Variants in DNAH9 observed in about 807,000 individuals in gnomAD.
DNAH9 encodes DNAH9 variant protein.
A neutral mutation model predicts 471.6 loss-of-function variants in DNAH9; 345 were observed. The ratio of observed to expected loss-of-function variants is 0.73; its 90% CI spans 0.67 to 0.80. The LOEUF (loss-of-function observed/expected upper bound fraction) is 0.80. DNAH9 is among the 30% of genes least tolerant of loss of function. The pLI, the probability that DNAH9 is intolerant of heterozygous loss-of-function variation, is 0.00. For missense variants in DNAH9, 5,407 were observed against 5,609.2 expected (o/e 0.96, Z 1.15); for synonymous variants, 2,093 against 2,123.6 (o/e 0.99, Z 0.40).
intron 59 of DNAH9, among the ~76,000 whole-genome samples, chr17:11,896,855 C>T (rs1187427689): frequency 6.6e-6 from 1 of 152,140 alleles, no homozygotes; most frequent in Non-Finnish European, 1.5e-5. Context: ...CTTTGGGAGG[C>T]CAAGGTGGGC....
chr17:11,601,422 GA>G (rs2072385715), intron 1 of DNAH9, among the ~76,000 whole-genome samples: 1 of 152,132 alleles, frequency 6.6e-6, no homozygotes, highest in Non-Finnish European at 1.5e-5. Flanking sequence ...CCACAAGAAG[GA>G]GAAACAGTAA....
At chr17:11,967,360 GC>G (rs1319731627) in intron 68 of DNAH9, among the ~76,000 whole-genome samples, 1 of 152,026 alleles carries the variant, frequency 6.6e-6, no homozygotes, top group African/African-American at 2.4e-5. Context: ...TCCTGCCTTG[GC>G]CTCCCAGGGT....
chr17:11,969,414 G>C lies in DNAH9; in HGVS notation c.13348G>C (p.Val4450Leu). Residue 4450 changes from valine to leucine, a missense_variant, in exon 69 of 69, where the codon GTG becomes CTG. Coordinates refer to ENST00000262442, the MANE Select transcript of DNAH9 (RefSeq NM_001372.4). ...CTGCCGCAGTGTCTATTCCTGTCCTGTGTACAAGACTAGTCAGCGGGGACC... is the reference window on the plus strand; with the variant it reads ...CTGCCGCAGTGTCTATTCCTGTCCTCTGTACAAGACTAGTCAGCGGGGACC... ...QDCRSVYSCP[V>L]YKTSQRGPTY... 1 of 1,614,052 alleles carries C rather than the reference G, an allele frequency of 6.2e-7. No homozygotes were observed. The highest frequency in any genetic ancestry group is 8.5e-7 in the Non-Finnish European group (1 of 1,180,024).
intron 22 of DNAH9, among the ~76,000 whole-genome samples, chr17:11,695,186 C>T (rs577906706): frequency 7.6e-4 from 115 of 151,672 alleles, no homozygotes; most frequent in Non-Finnish European, 1.3e-3. Context: ...CTGCACCCGG[C>T]CACCTCGGAG....
At chr17:11,658,420 GGAT>G (rs1291761584) in intron 14 of DNAH9, among the ~76,000 whole-genome samples, 2 of 152,054 alleles carry the variant, frequency 1.3e-5, no homozygotes, top group African/African-American at 2.4e-5. Flanking sequence ...TGTAAATTTA[GGAT>G]GATGATCTAT....
intron 39 of DNAH9, among the ~76,000 whole-genome samples, chr17:11,781,852 A>AAC (rs1555592786): frequency 0.027 from 3,970 of 149,700 alleles, 115 homozygotes; most frequent in South Asian, 0.055. Flanking sequence ...AACAAACAAA[A>AAC]AAAAAACTAC....
intron 42 of DNAH9, among the ~76,000 whole-genome samples, chr17:11,796,207 T>C (rs985488574): frequency 2.0e-5 from 3 of 152,246 alleles, no homozygotes; most frequent in Non-Finnish European, 2.9e-5. Context: ...TTGACTAATA[T>C]GAGAACTGAT....
At chr17:11,599,771 G>T (rs1481532440) in intron 1 of DNAH9, among the ~76,000 whole-genome samples, 1 of 152,172 alleles carries the variant, frequency 6.6e-6, no homozygotes, top group African/African-American at 2.4e-5. Flanking sequence ...GGACCCTGCA[G>T]GTTGTGAAAT....
chr17:11,772,261 TC>T (rs1968237625), intron 38 of DNAH9, among the ~76,000 whole-genome samples: 1 of 151,950 alleles, frequency 6.6e-6, no homozygotes, highest in South Asian at 2.1e-4. Flanking sequence ...AAATTAATAA[TC>T]TAATAAAATT....
At chr17:11,885,418 G>T (rs894460213) in intron 56 of DNAH9, among the ~76,000 whole-genome samples, 1 of 152,130 alleles carries the variant, frequency 6.6e-6, no homozygotes, top group Admixed American at 6.5e-5. Context: ...GGGAAAATTG[G>T]GCTACGTCCT....
intron 23 of DNAH9, among the ~76,000 whole-genome samples, chr17:11,700,820 C>T (rs931645577): frequency 1.3e-5 from 2 of 152,136 alleles, no homozygotes; most frequent in African/African-American, 4.8e-5. Flanking sequence ...CCCAGCTCAA[C>T]CCAGATTTCT....
intron 35 of DNAH9, among the ~76,000 whole-genome samples, chr17:11,759,065 G>A (rs898040714): frequency 6.8e-6 from 1 of 146,546 alleles, no homozygotes; most frequent in Admixed American, 7.1e-5. Context: ...TAAGGTTTTA[G>A]GAAAATAGTC....
At chr17:11,645,186 T>C (rs1177358680) in intron 11 of DNAH9, among the ~76,000 whole-genome samples, 1 of 152,212 alleles carries the variant, frequency 6.6e-6, no homozygotes, top group Non-Finnish European at 1.5e-5. Context: ...ACAGCCATTG[T>C]CTTGATTTCT....
chr17:11,784,135 C>T (rs1047675338), intron 40 of DNAH9, among the ~76,000 whole-genome samples, 165 bp from the exon 41 acceptor site: 23 of 152,148 alleles, frequency 1.5e-4, no homozygotes, highest in African/African-American at 5.1e-4. Context: ...TGTTATTCCC[C>T]TAGTCATTTT....
rs1555621166 is a variant in DNAH9, at chr17:11,920,631, A to AAAAAG, written c.11750-3173_11750-3169dup. On this transcript the variant is annotated intron_variant, in intron 61 of 68. Transcript: ENST00000262442. ...GCAAGACTCCATCTCAAAAAAAAAAAAAAAGAAAAGAAAAAAGAAAGAAAG... is the reference window on the plus strand; with the variant it reads ...GCAAGACTCCATCTCAAAAAAAAAAAAAAAGAAAAGAAAAGAAAAAAGAAAGAAAG... Among the ~76,000 whole-genome samples, 1,149 of 148,392 alleles carry AAAAAG rather than the reference A, an allele frequency of 7.7e-3. 23 individuals are homozygous for AAAAAG. Among genetic ancestry groups the AAAAAG allele is most frequent in the African/African-American group, 0.02 (808 of 40,330 alleles).
chr17:11,619,819 C>T (rs201145944), intron 6 of DNAH9, 38 bp downstream of exon 6: 2 of 1,229,814 alleles, frequency 1.6e-6, no homozygotes, highest in East Asian at 2.3e-5. Context: ...CAGCCCCAGA[C>T]AGAAAGAAGC....
intron 68 of DNAH9, among the ~76,000 whole-genome samples, chr17:11,968,887 TAAC>T (rs1411760301): frequency 6.6e-6 from 1 of 152,088 alleles, no homozygotes; most frequent in Non-Finnish European, 1.5e-5. Flanking sequence ...AAACAGGACA[TAAC>T]AAAAGCTTTA....
rs775422886 is a variant in DNAH9, at chr17:11,942,344, C to T, written c.12702C>T (p.Asp4234=). The stretch of plus-strand genomic sequence containing the variant: ...AAGAAATATTGGAGCGGGTGACAGA[C>T]GAGTTTAACATCCCAGAACTGATGG... ...LLEEILERVT[D]EFNIPELMAK... is the part of the protein sequence containing the mutation. The change falls in exon 67 of 69, where the codon GAC becomes GAT. Residue 4234 remains aspartate (D), a synonymous_variant. Coordinates refer to ENST00000262442, the MANE Select transcript of DNAH9 (RefSeq NM_001372.4). 6.6e-5 allele frequency: 107 copies of T among 1,613,990 alleles called. No homozygotes were observed. Among genetic ancestry groups the T allele is most frequent in the African/African-American group, 6.1e-4 (46 of 74,914 alleles).
At chr17:11,639,879 GCAA>G (rs1445723795) in intron 9 of DNAH9, among the ~76,000 whole-genome samples, 1 of 152,178 alleles carries the variant, frequency 6.6e-6, no homozygotes. Flanking sequence ...GTGGGTGCCT[GCAA>G]ATCCCAGCTA....
Sources: gnomAD v4.1 joint callset for allele counts (sites outside exome capture counted in the v4.1 genomes callset) on GRCh38, gnomAD v4.1.1 for gene constraint, MANE v1.5 for transcripts, NCBI Gene and HGNC (gene_info 2026-07-23, HGNC 2026-07-21) for gene names.